Variants in GPC5 observed in about 807,000 individuals in gnomAD.
GPC5 encodes glypican-5.
GPC5 carries 47 observed loss-of-function variants against 53.9 expected under a neutral mutation model. The observed-to-expected ratio is 0.87, with a 90% CI of 0.69 to 1.11. The LOEUF is 1.11. Among genes scored for constraint, GPC5 ranks in the 50% most tolerant of loss-of-function variants. The pLI, the probability that GPC5 is intolerant of heterozygous loss-of-function variation, is 0.00. For synonymous variants in GPC5, 286 were observed against 263.3 expected, an observed-to-expected ratio of 1.09 and a Z score of -0.84; for missense variants, 748 against 713.1, an observed-to-expected ratio of 1.05 and a Z score of -0.56.
At chr13:91,516,908 A>G (rs1885535761) in intron 2 of GPC5, among the ~76,000 whole-genome samples, 2 of 152,202 alleles carry the variant, frequency 1.3e-5, no homozygotes, top group Non-Finnish European at 2.9e-5. Context: ...CTCTAAAGCC[A>G]CAGCCCGAGC....
At chr13:92,071,171 G>T (rs536191010) in intron 6 of GPC5, among the ~76,000 whole-genome samples, 1 of 152,252 alleles carries the variant, frequency 6.6e-6, no homozygotes, top group Non-Finnish European at 1.5e-5. Flanking sequence ...GGGAGGCAGA[G>T]GCTGCGGTGA....
chr13:92,210,580 A>G (rs557808496), intron 7 of GPC5, among the ~76,000 whole-genome samples: 144 of 152,328 alleles, frequency 9.5e-4, no homozygotes, highest in African/African-American at 3.2e-3. Flanking sequence ...ATAACAATTT[A>G]TAACAGTGGT....
At chr13:92,628,599 C>T (rs1005425351) in intron 7 of GPC5, among the ~76,000 whole-genome samples, 6 of 151,986 alleles carry the variant, frequency 3.9e-5, no homozygotes, top group African/African-American at 7.3e-5. Flanking sequence ...TTGGTGGCAA[C>T]GTGTCCCCAG....
intron 7 of GPC5, among the ~76,000 whole-genome samples, chr13:92,399,114 G>A (rs1414105887): frequency 1.3e-5 from 2 of 152,136 alleles, no homozygotes; most frequent in Non-Finnish European, 2.9e-5. Flanking sequence ...CATTCAATAT[G>A]CTTCATGATT....
At chr13:92,815,831 C>T (rs1023990569) in intron 7 of GPC5, among the ~76,000 whole-genome samples, 4 of 151,828 alleles carry the variant, frequency 2.6e-5, no homozygotes, top group South Asian at 2.1e-4. Context: ...GGCTTGGAAC[C>T]GAGTCACTAT....
At position 92,779,737 on chromosome 13, in the gene GPC5, C is replaced by A. The variant is rs535436772; in HGVS notation, c.1562-86545C>A. 2.0e-5 allele frequency among the ~76,000 whole-genome samples: 3 copies of A among 152,220 alleles called. No homozygotes were observed. The East Asian group carries it at 5.8e-4, about 30-fold the overall frequency. On this transcript the variant is annotated intron_variant, in intron 7 of 7. Coordinates refer to ENST00000377067, the MANE Select transcript of GPC5 (RefSeq NM_004466.6). The stretch of plus-strand genomic sequence containing the variant: ...ATCACTGTAGGTCTAAGACCTTATA[C>A]AAGGTATACACATTCAAAGGTTAAT...
chr13:91,853,014 A>AGTT (rs2038931256), intron 5 of GPC5, among the ~76,000 whole-genome samples: 2 of 152,100 alleles, frequency 1.3e-5, no homozygotes, highest in Non-Finnish European at 1.5e-5. Flanking sequence ...CTAGTGTGGT[A>AGTT]GTTTATTAGT....
At chr13:92,786,411 C>A (rs759461954) in intron 7 of GPC5, among the ~76,000 whole-genome samples, 1 of 151,850 alleles carries the variant, frequency 6.6e-6, no homozygotes, top group Non-Finnish European at 1.5e-5. Flanking sequence ...TAGGAGATAA[C>A]TGGATAAGCA....
chr13:91,545,453 T>C (rs1015715155), intron 2 of GPC5, among the ~76,000 whole-genome samples: 1 of 152,170 alleles, frequency 6.6e-6, no homozygotes, highest in South Asian at 2.1e-4. Context: ...ATTCAATCTT[T>C]GGGTTACATT....
intron 6 of GPC5, among the ~76,000 whole-genome samples, chr13:92,024,385 G>T (rs2040784128): frequency 6.6e-6 from 1 of 152,082 alleles, no homozygotes; most frequent in African/African-American, 2.4e-5. Flanking sequence ...GTTATTCATG[G>T]TTTCATTGCG....
In GPC5 at chr13:91,448,902, G is replaced by A. The variant is rs772585092; in HGVS notation, c.305G>A (p.Arg102Gln). 2.7e-5 allele frequency: 44 copies of A among 1,612,804 alleles called. 1 individual carries two copies. The highest frequency in any genetic ancestry group is 2.2e-4 in the East Asian group (10 of 44,846). Reference protein sequence around the residue: ...SSSTLKFLISRNAAAFQETLE... With the variant: ...SSSTLKFLISQNAAAFQETLE... ...TCTACATTAAAGTTTCTAATATCTC[G>A]AAATGCGGCTGCTTTTCAAGGTAAG... Residue 102 changes from arginine to glutamine, a missense_variant, in exon 2 of 8, where the codon CGA (arginine) becomes CAA (glutamine). By Grantham distance (43) the Arg-to-Gln change is conservative (BLOSUM62 1). Transcript: ENST00000377067.
intron 2 of GPC5, among the ~76,000 whole-genome samples, chr13:91,537,309 AAAAG>A (rs1347849828): frequency 4.6e-5 from 7 of 152,160 alleles, no homozygotes; most frequent in African/African-American, 1.7e-4. Context: ...AACAAGAAAA[AAAAG>A]AAAGCTCAAA....
chr13:92,580,610 G>A lies in GPC5; in HGVS notation c.1562-285672G>A, dbSNP rs114112955. Among the ~76,000 whole-genome samples, 577 of 152,122 alleles carry A rather than the reference G, an allele frequency of 3.8e-3. 4 individuals are homozygous for A. Among genetic ancestry groups the A allele is most frequent in the African/African-American group, 0.013 (526 of 41,508 alleles). Reference sequence around the variant, plus strand: ...GGCACCAGCATCTACTTGGCTTTTCGAGAGGCCTCAGGGAGCTTTTTCTAA... The same window carrying A: ...GGCACCAGCATCTACTTGGCTTTTCAAGAGGCCTCAGGGAGCTTTTTCTAA... On this transcript the variant is annotated intron_variant, in intron 7 of 7. Transcript: ENST00000377067.
intron 1 of GPC5, among the ~76,000 whole-genome samples, chr13:91,443,236 T>C (rs1002641591): frequency 6.6e-6 from 1 of 152,140 alleles, no homozygotes; most frequent in African/African-American, 2.4e-5. Context: ...TTTAAACAGG[T>C]AATTAAGGTT....
At chr13:92,667,374 C>G (rs1322837418) in intron 7 of GPC5, among the ~76,000 whole-genome samples, 1 of 151,766 alleles carries the variant, frequency 6.6e-6, no homozygotes, top group East Asian at 1.9e-4. Flanking sequence ...ACAGTTTGGA[C>G]CAGAAACAAT....
intron 5 of GPC5, among the ~76,000 whole-genome samples, chr13:91,824,220 ATCAAT>A (rs2038540065): frequency 2.6e-5 from 4 of 152,186 alleles, no homozygotes; most frequent in Non-Finnish European, 2.9e-5. Flanking sequence ...AAATTTTGAA[ATCAAT>A]TCAACAAAAA....
intron 7 of GPC5, among the ~76,000 whole-genome samples, chr13:92,544,066 CT>C: frequency 6.6e-6 from 1 of 151,858 alleles, no homozygotes; most frequent in African/African-American, 2.4e-5. Flanking sequence ...TATTAAGTAA[CT>C]GAAGTTCCTT....
chr13:92,780,040 T>C lies in GPC5; in HGVS notation c.1562-86242T>C, dbSNP rs139983463. On this transcript the variant is annotated intron_variant, in intron 7 of 7. Transcript: ENST00000377067. ...CCCCAGGCTATGAAATTTTCATCTC[T>C]ACCACAGGTAGATTAATTAACATAG... Among the ~76,000 whole-genome samples the C allele has an allele frequency of 2.9e-3, 434 of 152,232 alleles. 3 individuals carry two copies. The highest frequency in any genetic ancestry group is 1.0e-2 in the African/African-American group (415 of 41,562).
chr13:92,412,012 T>C (rs1161218924), intron 7 of GPC5, among the ~76,000 whole-genome samples: 6 of 152,202 alleles, frequency 3.9e-5, no homozygotes, highest in African/African-American at 1.4e-4. Context: ...GCACACACTC[T>C]ACCCACACAC....
Sources: gnomAD v4.1 joint callset for allele counts (sites outside exome capture counted in the v4.1 genomes callset) on GRCh38, gnomAD v4.1.1 for gene constraint, MANE v1.5 for transcripts, NCBI Gene and HGNC (gene_info 2026-07-23, HGNC 2026-07-21) for gene names.